Variants in CDH20 observed in about 807,000 individuals in gnomAD.
CDH20 encodes cadherin-20.
In CDH20, 29 loss-of-function variants were observed where a neutral mutation model predicts 74.2. That is an observed-to-expected ratio of 0.39 (90% confidence interval 0.29 to 0.53). The LOEUF (loss-of-function observed/expected upper bound fraction) is 0.53, where lower values mean the gene tolerates loss of function less well. CDH20 is among the 20% of genes least tolerant of loss of function. The probability of loss-of-function intolerance (pLI) is 0.69; values close to 1 mark genes in which losing one functional copy is unlikely to be tolerated. For synonymous variants in CDH20, 469 were observed against 405.4 expected (o/e 1.16, Z -1.88); for missense variants, 988 against 1,048.3 (o/e 0.94, Z 0.79).
chr18:61,493,300 G>C (rs1268158356), intron 2 of CDH20, among the ~76,000 whole-genome samples: 1 of 152,064 alleles, frequency 6.6e-6, no homozygotes, highest in African/African-American at 2.4e-5. Context: ...TTCCTGATTA[G>C]ATTAACTATG....
intron 1 of CDH20, among the ~76,000 whole-genome samples, chr18:61,475,965 T>C (rs1262527012): frequency 6.6e-6 from 1 of 152,188 alleles, no homozygotes; most frequent in Non-Finnish European, 1.5e-5. Context: ...TTGAGGGGGA[T>C]TGGCTCCTTG....
At chr18:61,477,616 T>C (rs1391380388) in intron 1 of CDH20, among the ~76,000 whole-genome samples, 1 of 152,170 alleles carries the variant, frequency 6.6e-6, no homozygotes, top group South Asian at 2.1e-4. Flanking sequence ...TAGAATCATC[T>C]ATTGTTGCAA....
Position 61,554,370 on chromosome 18 carries a change from C to T in CDH20, c.2081C>T (p.Ala694Val), listed in dbSNP as rs775781024. The change falls in exon 12 of 12, where the codon GCC (alanine) becomes GTC (valine). Residue 694 changes from alanine to valine, a missense_variant. Coordinates refer to ENST00000262717, the MANE Select transcript of CDH20 (RefSeq NM_031891.4). ...CCCCGGGAGGCGCAGGCGGGGGCCG[C>T]CCCCAAGACGCGGCAGGACATGCTG... ...WNPREAQAGA[A>V]PKTRQDMLPE... is the part of the protein sequence containing the mutation. 1 of 1,612,934 alleles carries T rather than the reference C, an allele frequency of 6.2e-7. No individual in the cohort carries two copies.
chr18:61,381,884 C>T (rs952047349), intron 1 of CDH20, among the ~76,000 whole-genome samples: 3 of 152,156 alleles, frequency 2.0e-5, no homozygotes, highest in African/African-American at 4.8e-5. Context: ...TTTTATATTC[C>T]GCATCTCAAC....
At chr18:61,478,474 G>C (rs915911050) in intron 1 of CDH20, among the ~76,000 whole-genome samples, 1 of 151,946 alleles carries the variant, frequency 6.6e-6, no homozygotes, top group African/African-American at 2.4e-5. Context: ...TAGGGATAAA[G>C]GTTCTCTGGG....
chr18:61,446,069 T>A (rs1909191919), intron 1 of CDH20, among the ~76,000 whole-genome samples: 1 of 152,206 alleles, frequency 6.6e-6, no homozygotes, highest in Non-Finnish European at 1.5e-5. Context: ...TATCACCTCT[T>A]AGGGCCTAGC....
Position 61,549,789 on chromosome 18 carries a change from A to C in CDH20, c.1649-189A>C. Reference sequence around the variant, plus strand: ...CTTAGGCCTCAGGGTTTTGCCTAAAAGCAAGCAAAAAGCATGGTTTCTGAA... The same window carrying C: ...CTTAGGCCTCAGGGTTTTGCCTAAACGCAAGCAAAAAGCATGGTTTCTGAA... On this transcript the variant is annotated intron_variant, in intron 10 of 11. Transcript: ENST00000262717. 4 of 613,444 alleles carry C rather than the reference A, an allele frequency of 6.5e-6. No individual in the cohort carries two copies. In the East Asian group the frequency reaches 1.1e-4, roughly 17 times the overall value. The allele number at this position is 613,444 out of a possible 1,614,324, so 38.0% of individuals were successfully genotyped here. A position where few individuals can be genotyped will look rare whatever the true frequency, so the allele number is the denominator to read the frequency against.
At position 61,374,851 on chromosome 18, in the gene CDH20, C is replaced by T. The variant is rs2144165455; in HGVS notation, c.-153+41024C>T. ...AGGGTGTTTCTTTCCTGGCTATCTA[C>T]CCTGGGCACAACCTCTTATTTTATC... On this transcript the variant is annotated intron_variant, in intron 1 of 11. Coordinates refer to ENST00000262717, the MANE Select transcript of CDH20 (RefSeq NM_031891.4). Among the ~76,000 whole-genome samples, 2 of 152,168 alleles carry T rather than the reference C, an allele frequency of 1.3e-5. 1 individual carries two copies. The highest frequency in any genetic ancestry group is 4.1e-4 in the South Asian group (2 of 4,824).
intron 4 of CDH20, 115 bp downstream of exon 4, chr18:61,500,617 G>A: frequency 9.1e-7 from 1 of 1,103,972 alleles, no homozygotes; most frequent in Non-Finnish European, 1.3e-6. Flanking sequence ...ATTAACCAGA[G>A]AAGACTGCTC....
At chr18:61,422,773 A>C (rs931055933) in intron 1 of CDH20, among the ~76,000 whole-genome samples, 2 of 150,960 alleles carry the variant, frequency 1.3e-5, no homozygotes, top group African/African-American at 2.4e-5. Context: ...ATATTTATAA[A>C]TATATACTTA....
rs758354982 is a variant in CDH20 at position 61,554,632 on chromosome 18, G to GC, written c.2347dup (p.Arg783ProfsTer55). The GC allele has an allele frequency of 2.5e-6, 4 of 1,603,018 alleles. No individual in the cohort carries two copies. The highest frequency in any genetic ancestry group is 1.7e-6 in the Non-Finnish European group (2 of 1,175,382). The stretch of plus-strand genomic sequence containing the variant: ...GCTTCGACTTCCTGACGGACTGGGG[G>GC]CCCCGCTTCCGGAAGCTGGCCGAGC... On this transcript the variant is annotated frameshift_variant, in exon 12 of 12. Transcript: ENST00000262717. LOFTEE classifies it high-confidence loss of function.
intron 1 of CDH20, among the ~76,000 whole-genome samples, chr18:61,334,736 G>T (rs868649428): frequency 3.6e-4 from 54 of 152,092 alleles, no homozygotes; most frequent in African/African-American, 1.1e-3. Flanking sequence ...TGTTTTGTTT[G>T]TTTCTGCCGA....
intron 1 of CDH20, among the ~76,000 whole-genome samples, chr18:61,373,900 C>T (rs1911123662): frequency 6.6e-6 from 1 of 152,168 alleles, no homozygotes. Context: ...AGACAAGGGA[C>T]TGAGTTGGCA....
At chr18:61,454,576 A>G (rs1300745579) in intron 1 of CDH20, among the ~76,000 whole-genome samples, 1 of 152,238 alleles carries the variant, frequency 6.6e-6, no homozygotes, top group Non-Finnish European at 1.5e-5. Context: ...TTGCCAAAAA[A>G]GATAAAAATT....
intron 1 of CDH20, among the ~76,000 whole-genome samples, chr18:61,391,194 T>C (rs990319129): frequency 2.6e-5 from 4 of 152,046 alleles, no homozygotes; most frequent in African/African-American, 4.8e-5. Flanking sequence ...ATAATAAATA[T>C]AAATGGTCAG....
At chr18:61,336,489 T>C (rs976939523) in intron 1 of CDH20, among the ~76,000 whole-genome samples, 1 of 152,172 alleles carries the variant, frequency 6.6e-6, no homozygotes, top group Non-Finnish European at 1.5e-5. Context: ...TGTTGGTGGA[T>C]TTAAGTAAAT....
chr18:61,542,619 G>T (rs1443290550), intron 9 of CDH20, among the ~76,000 whole-genome samples: 1 of 152,182 alleles, frequency 6.6e-6, no homozygotes, highest in East Asian at 1.9e-4. Flanking sequence ...GTGACCATGG[G>T]TGTCTCAGTC....
chr18:61,433,878 C>T (rs540925353), intron 1 of CDH20, among the ~76,000 whole-genome samples: 1 of 152,232 alleles, frequency 6.6e-6, no homozygotes, highest in African/African-American at 2.4e-5. Flanking sequence ...TAGAAAATGT[C>T]ACTTCTGTTT....
chr18:61,455,027 A>G (rs1290713798), intron 1 of CDH20, among the ~76,000 whole-genome samples: 2 of 152,198 alleles, frequency 1.3e-5, no homozygotes, highest in African/African-American at 2.4e-5. Context: ...CAGTAAAACC[A>G]GGAATTTGGA....
Sources: gnomAD v4.1 joint callset for allele counts (sites outside exome capture counted in the v4.1 genomes callset) on GRCh38, gnomAD v4.1.1 for gene constraint, MANE v1.5 for transcripts, NCBI Gene and HGNC (gene_info 2026-07-23, HGNC 2026-07-21) for gene names.